The following SLC6A5 variants were observed in gnomAD, a reference collection of about 807,000 sequenced individuals.
SLC6A5 encodes the protein solute carrier family 6 member 5.
SLC6A5 carries 58 observed loss-of-function variants against 90.5 expected under a neutral mutation model. The observed-to-expected ratio is 0.64, with a 90% confidence interval of 0.52 to 0.80. SLC6A5 has a LOEUF of 0.80. Ranked by LOEUF, SLC6A5 falls within the 30% of genes least tolerant of loss-of-function variation. The pLI is 0.00. For synonymous variants in SLC6A5, 427 were observed against 401.4 expected (o/e 1.06, Z -0.76); for missense variants, 1,015 against 1,017.6 (o/e 1.00, Z 0.03).
At chr11:20,635,918 C>T (rs753559588) in intron 10 of SLC6A5, among the ~76,000 whole-genome samples, 1 of 152,194 alleles carries the variant, frequency 6.6e-6, no homozygotes, top group Non-Finnish European at 1.5e-5. Flanking sequence ...CCAAACATGG[C>T]AAAATCACTG....
chr11:20,650,856 C>T (rs1853516648), intron 14 of SLC6A5, among the ~76,000 whole-genome samples: 1 of 151,694 alleles, frequency 6.6e-6, no homozygotes, highest in Non-Finnish European at 1.5e-5. Flanking sequence ...TTAGTAGAGA[C>T]GGGGTTTCAC....
chr11:20,611,621 A>C (rs188992583), intron 5 of SLC6A5, among the ~76,000 whole-genome samples: 1 of 152,056 alleles, frequency 6.6e-6, no homozygotes, highest in Non-Finnish European at 1.5e-5. Context: ...GTTTCCTCCT[A>C]TCTCCTTGTT....
chr11:20,634,173 A>T (rs1298385328), intron 10 of SLC6A5, among the ~76,000 whole-genome samples: 9 of 152,184 alleles, frequency 5.9e-5, no homozygotes. Flanking sequence ...CCTGGCTGCC[A>T]GTTTTTTAAT....
chr11:20,602,004 CT>C (rs1852490076), intron 2 of SLC6A5, among the ~76,000 whole-genome samples: 1 of 152,206 alleles, frequency 6.6e-6, no homozygotes, highest in East Asian at 1.9e-4. Flanking sequence ...CAATGACTGT[CT>C]TTTCTTTTCA....
Position 20,636,289 on chromosome 11 carries a change from C to A in SLC6A5, c.1625-18C>A. 1.3e-6 allele frequency: 2 copies of A among 1,532,010 alleles called. No individual in the cohort carries two copies. Among genetic ancestry groups the A allele is most frequent in the Non-Finnish European group, 1.8e-6 (2 of 1,105,088 alleles). The allele number at this position is 1,532,010 out of a possible 1,614,324, so 94.9% of individuals were successfully genotyped here. A position where few individuals can be genotyped will look rare whatever the true frequency, so the allele number is the denominator to read the frequency against. ...TTGAGTAGGGCCTGCCTGCAATCAT[C>A]TGTCTTGTTCCTTCCAGGGCCAGGC... On this transcript the variant is annotated intron_variant, in intron 10 of 15. Transcript: ENST00000525748.
chr11:20,634,620 A>G (rs1400450497), intron 10 of SLC6A5, among the ~76,000 whole-genome samples: 1 of 152,182 alleles, frequency 6.6e-6, no homozygotes, highest in Non-Finnish European at 1.5e-5. Context: ...TTTGAACTTT[A>G]GTTTAATACA....
rs2133817728 is a variant in SLC6A5 at position 20,645,329 on chromosome 11, G to A, written c.1970-1505G>A. On this transcript the variant is annotated intron_variant, in intron 13 of 15. Transcript: ENST00000525748. Reference sequence around the variant, plus strand: ...TGGTGGGGGACACTGATCAGATGAGGGCAGCTAGTACAGGTGGTGTCCAGG... The same window carrying A: ...TGGTGGGGGACACTGATCAGATGAGAGCAGCTAGTACAGGTGGTGTCCAGG... Among the ~76,000 whole-genome samples, 3 of 152,166 alleles carry A rather than the reference G, an allele frequency of 2.0e-5. No homozygotes were observed. The South Asian group carries it at 6.2e-4, about 32-fold the overall frequency.
chr11:20,636,245 G>A (rs1432112845), intron 10 of SLC6A5, 62 bp from the exon 11 acceptor site: 1 of 982,776 alleles, frequency 1.0e-6, no homozygotes, highest in African/African-American at 1.6e-5. Context: ...AGGCCCTCTG[G>A]GCTCTGGGAA....
intron 15 of SLC6A5, among the ~76,000 whole-genome samples, chr11:20,653,860 A>T (rs995180180): frequency 2.0e-5 from 3 of 152,178 alleles, no homozygotes; most frequent in African/African-American, 7.2e-5. Context: ...AAATTCTCTA[A>T]ACTAATTGAG....
In SLC6A5 at chr11:20,637,228, A is replaced by ACG. The variant is rs1420671201; in HGVS notation, c.1796_1797dup (p.Thr600AlafsTer22). ...TCTCAGACGAGTTTCCCAAGTACCT[A>ACG]CGCACACACAAGCCAGTGTTTACTC... is the stretch of plus-strand genomic sequence containing the variant. On this transcript the variant is annotated frameshift_variant, in exon 12 of 16. Coordinates refer to ENST00000525748, the MANE Select transcript of SLC6A5 (RefSeq NM_004211.5). LOFTEE classifies it high-confidence loss of function. 2 of 1,613,422 alleles carry ACG rather than the reference A, an allele frequency of 1.2e-6. No homozygotes were observed. Among genetic ancestry groups the ACG allele is most frequent in the Admixed American group, 1.7e-5 (1 of 59,958 alleles).
At chr11:20,631,911 G>A (rs1436230555) in intron 10 of SLC6A5, among the ~76,000 whole-genome samples, 1 of 152,102 alleles carries the variant, frequency 6.6e-6, no homozygotes, top group East Asian at 1.9e-4. Flanking sequence ...TCATTACTGC[G>A]CCAATTCATG....
Position 20,616,804 on chromosome 11 carries a change from G to C in SLC6A5, c.1128-948G>C, listed in dbSNP as rs540955916. On this transcript the variant is annotated intron_variant, in intron 6 of 15. Transcript: ENST00000525748. ...TGTTGCCAAACAGCCTCTCAAGCTA[G>C]CCAGCTGGACCAGGAGTGGGGCTGC... Among the ~76,000 whole-genome samples the C allele has an allele frequency of 2.0e-5, 3 of 152,292 alleles. No individual in the cohort carries two copies. The South Asian group carries it at 6.2e-4, about 32-fold the overall frequency.
chr11:20,623,601 C>T (rs1212030092), intron 7 of SLC6A5, among the ~76,000 whole-genome samples: 1 of 152,126 alleles, frequency 6.6e-6, no homozygotes, highest in African/African-American at 2.4e-5. Context: ...TTCCTGAGTC[C>T]CTGCCGTAGC....
At chr11:20,606,965 CT>C (rs1291017023) in intron 3 of SLC6A5, 41 bp from the exon 4 acceptor site, 4 of 1,613,522 alleles carry the variant, frequency 2.5e-6, no homozygotes, top group Admixed American at 3.3e-5. Flanking sequence ...CAGCAGCCTG[CT>C]TTTGCCTCCT....
At chr11:20,653,589 C>G (rs1310898985) in intron 15 of SLC6A5, among the ~76,000 whole-genome samples, 1 of 152,168 alleles carries the variant, frequency 6.6e-6, no homozygotes, top group Non-Finnish European at 1.5e-5. Flanking sequence ...GGGGAGGTAG[C>G]TTTTGTCTTC....
At chr11:20,638,581 T>C in intron 13 of SLC6A5, 23 bp downstream of exon 13, 1 of 1,411,756 alleles carries the variant, frequency 7.1e-7, no homozygotes, top group Non-Finnish European at 1.0e-6. Context: ...CTGTGCCTGT[T>C]GCTGAAGTAG....
chr11:20,616,775 T>C (rs1400411886), intron 6 of SLC6A5, among the ~76,000 whole-genome samples: 1 of 152,200 alleles, frequency 6.6e-6, no homozygotes, highest in African/African-American at 2.4e-5. Context: ...AAAGCATGTC[T>C]GTGTGTTGCC....
At chr11:20,610,869 A>G (rs554353520) in intron 5 of SLC6A5, among the ~76,000 whole-genome samples, 17 of 152,194 alleles carry the variant, frequency 1.1e-4, no homozygotes, top group African/African-American at 3.6e-4. Context: ...GAGGCCAGGG[A>G]TTCTGCTAAA....
chr11:20,644,977 G>A (rs10741851), intron 13 of SLC6A5, among the ~76,000 whole-genome samples: 139,545 of 151,630 alleles, frequency 0.92, 64,626 homozygotes, highest in Non-Finnish European at 0.98. Flanking sequence ...ATGCCCGGCT[G>A]ATTTTTTGTA....
Sources: gnomAD v4.1 joint callset for allele counts (sites outside exome capture counted in the v4.1 genomes callset) on GRCh38, gnomAD v4.1.1 for gene constraint, MANE v1.5 for transcripts, NCBI Gene and HGNC (gene_info 2026-07-23, HGNC 2026-07-21) for gene names.